TMTC2: variants seen among roughly 807,000 people sequenced by gnomAD.
TMTC2 encodes the protein protein O-mannosyl-transferase TMTC2.
In TMTC2, 43 loss-of-function variants were observed where a neutral mutation model predicts 82.4. That is an observed-to-expected ratio of 0.52 (90% CI 0.41 to 0.67). The LOEUF is 0.67. Among genes scored for constraint, TMTC2 ranks in the 30% least tolerant of loss-of-function variants. The pLI is 0.00. For synonymous variants in TMTC2, 408 were observed against 381.9 expected (o/e 1.07, Z -0.80); for missense variants, 919 against 1,012.4 (o/e 0.91, Z 1.25).
intron 11 of TMTC2, among the ~76,000 whole-genome samples, chr12:83,112,055 A>T (rs144335344): frequency 1.3e-5 from 2 of 152,216 alleles, no homozygotes; most frequent in African/African-American, 4.8e-5. Context: ...GCAGTGAGCC[A>T]AGATCACACC....
intron 1 of TMTC2, among the ~76,000 whole-genome samples, chr12:82,786,794 G>C (rs1156603628): frequency 6.6e-6 from 1 of 152,114 alleles, no homozygotes; most frequent in East Asian, 1.9e-4. Flanking sequence ...GGGGTACTGT[G>C]AAGTCGGAAC....
chr12:82,933,209 G>A (rs1453036592), intron 4 of TMTC2, among the ~76,000 whole-genome samples: 1 of 152,122 alleles, frequency 6.6e-6, no homozygotes, highest in African/African-American at 2.4e-5. Flanking sequence ...TGATTGGAAA[G>A]TATTGGCTTT....
At chr12:82,851,239 G>C (rs901918882) in intron 1 of TMTC2, among the ~76,000 whole-genome samples, 1 of 152,014 alleles carries the variant, frequency 6.6e-6, no homozygotes, top group African/African-American at 2.4e-5. Context: ...AGACCAGTCT[G>C]GCCAACATGG....
chr12:83,055,779 C>T (rs1882520689), intron 10 of TMTC2, among the ~76,000 whole-genome samples: 1 of 151,480 alleles, frequency 6.6e-6, no homozygotes, highest in Non-Finnish European at 1.5e-5. Context: ...ATAAAAGTAG[C>T]ATTTGTTCAA....
intron 4 of TMTC2, among the ~76,000 whole-genome samples, chr12:82,956,718 T>A (rs569524603): frequency 6.6e-6 from 1 of 152,158 alleles, no homozygotes; most frequent in African/African-American, 2.4e-5. Flanking sequence ...CCTCCCAAAA[T>A]ACTAGGATTA....
At chr12:82,817,592 C>T (rs930672186) in intron 1 of TMTC2, among the ~76,000 whole-genome samples, 1 of 152,048 alleles carries the variant, frequency 6.6e-6, no homozygotes, top group Non-Finnish European at 1.5e-5. Flanking sequence ...CTACTGGTGC[C>T]TTGTTTGAAT....
chr12:82,799,978 A>G (rs1314338535), intron 1 of TMTC2, among the ~76,000 whole-genome samples: 3 of 152,016 alleles, frequency 2.0e-5, no homozygotes, highest in Admixed American at 6.6e-5. Flanking sequence ...ATCAGATTAC[A>G]TAGTATAATA....
At chr12:82,829,129 C>G (rs939915655) in intron 1 of TMTC2, among the ~76,000 whole-genome samples, 3 of 152,160 alleles carry the variant, frequency 2.0e-5, no homozygotes, top group Non-Finnish European at 2.9e-5. Flanking sequence ...CCTGAGTACA[C>G]TAAGGTTTTA....
chr12:82,981,928 T>C (rs1565838283), intron 7 of TMTC2, among the ~76,000 whole-genome samples: 4 of 151,808 alleles, frequency 2.6e-5, no homozygotes, highest in Admixed American at 2.6e-4. Flanking sequence ...CTCTGAAGAC[T>C]TTTGATAGTA....
intron 11 of TMTC2, among the ~76,000 whole-genome samples, chr12:83,115,854 C>T (rs1011570764): frequency 1.3e-5 from 2 of 152,022 alleles, no homozygotes; most frequent in Non-Finnish European, 2.9e-5. Context: ...GTCGCACGAG[C>T]TCGGCTCACT....
chr12:82,854,541 A>G (rs1420891683), intron 1 of TMTC2, among the ~76,000 whole-genome samples: 1 of 152,212 alleles, frequency 6.6e-6, no homozygotes, highest in Non-Finnish European at 1.5e-5. Context: ...GAAGTAGTAG[A>G]CAAAAATTCA....
rs142358970 is a variant in TMTC2, at chr12:82,857,461, G to A, written c.535G>A (p.Ala179Thr). The A allele has an allele frequency of 8.7e-6, 14 of 1,614,214 alleles. No homozygotes were observed. The highest frequency in any genetic ancestry group is 1.7e-5 in the Admixed American group (1 of 60,028). Residue 179 changes from alanine (A) to threonine (T), a missense_variant, in exon 2 of 12, where the codon GCA becomes ACA. Transcript: ENST00000321196. ...CTGGTTCCTGGGGTCAGGACTGTGC[G>A]CAGGATGCAGCATGTTGTGGAAGGA... ...WGWFLGSGLC[A>T]GCSMLWKEQG...
intron 7 of TMTC2, among the ~76,000 whole-genome samples, chr12:82,974,220 G>C (rs1565835065): frequency 6.6e-6 from 1 of 151,680 alleles, no homozygotes; most frequent in Non-Finnish European, 1.5e-5. Context: ...CCACGCCCGT[G>C]GACACACACA....
chr12:82,696,049 C>G lies in TMTC2; in HGVS notation c.83+8380C>G, dbSNP rs1021494531. On this transcript the variant is annotated intron_variant, in intron 1 of 11. Coordinates refer to ENST00000321196, the MANE Select transcript of TMTC2 (RefSeq NM_152588.3). ...TTCCTTTAGAACAAGTTCCTCCTCT[C>G]CTGCCCCAAATAATTAACTATACAA... Among the ~76,000 whole-genome samples, 14 of 152,308 alleles carry G rather than the reference C, an allele frequency of 9.2e-5. No individual in the cohort carries two copies. The South Asian group carries it at 2.5e-3, about 27-fold the overall frequency.
chr12:83,093,951 A>G (rs778453701), intron 11 of TMTC2, among the ~76,000 whole-genome samples: 24 of 152,224 alleles, frequency 1.6e-4, no homozygotes, highest in Non-Finnish European at 3.1e-4. Flanking sequence ...TGAGGGCTAA[A>G]AACATATATA....
Position 83,030,863 on chromosome 12 carries a change from CTG to C in TMTC2, c.2138_2139del (p.Cys713LeufsTer19), listed in dbSNP as rs1881402282. The C allele has an allele frequency of 6.2e-7, 1 of 1,612,906 alleles. No homozygotes were observed. ...TTGAGCTGGATCCCACCAAAGGAAA[CTG>C]TTACATGCATTATGGTGAGTGGTTG... Reference protein sequence around the residue: ...AIELDPTKGNCYMHYGQFLLE... With the variant: ...AIELDPTKGNXYMHYGQFLLE... On this transcript the variant is annotated frameshift_variant, in exon 9 of 12. Transcript: ENST00000321196. LOFTEE classifies it high-confidence loss of function.
rs867154034 is a variant in TMTC2 at position 82,951,422 on chromosome 12, C to T, written c.1599-13602C>T. On this transcript the variant is annotated intron_variant, in intron 4 of 11. Coordinates refer to ENST00000321196, the MANE Select transcript of TMTC2 (RefSeq NM_152588.3). ...TCTCCTGCCTCAGCCTCCTGAATAG[C>T]TGGGACTACAGGCACATGCCGCCAC... Among the ~76,000 whole-genome samples, 7 of 152,262 alleles carry T rather than the reference C, an allele frequency of 4.6e-5. 1 individual carries two copies. Among genetic ancestry groups the T allele is most frequent in the African/African-American group, 1.7e-4 (7 of 41,534 alleles).
intron 1 of TMTC2, among the ~76,000 whole-genome samples, chr12:82,835,703 C>T (rs144132620): frequency 1.3e-5 from 2 of 152,250 alleles, no homozygotes; most frequent in East Asian, 1.9e-4. Context: ...TGGAAATTAT[C>T]GGTCACTTGT....
chr12:82,984,480 C>T (rs1247517807), intron 7 of TMTC2, among the ~76,000 whole-genome samples: 1 of 152,036 alleles, frequency 6.6e-6, no homozygotes, highest in Non-Finnish European at 1.5e-5. Context: ...ATGATTAAAA[C>T]AAAAAGGAAT....
Sources: gnomAD v4.1 joint callset for allele counts (sites outside exome capture counted in the v4.1 genomes callset) on GRCh38, gnomAD v4.1.1 for gene constraint, MANE v1.5 for transcripts, NCBI Gene and HGNC (gene_info 2026-07-23, HGNC 2026-07-21) for gene names.